Variants in CPEB3 observed in about 807,000 individuals in gnomAD.
CPEB3 encodes cytoplasmic polyadenylation element binding protein 3.
CPEB3 carries 20 observed loss-of-function variants against 67.2 expected under a neutral mutation model. The ratio of observed to expected loss-of-function variants is 0.30; its 90% CI spans 0.21 to 0.43. The LOEUF (loss-of-function observed/expected upper bound fraction) is 0.43. Ranked by LOEUF, CPEB3 falls within the 20% of genes least tolerant of loss-of-function variation. The pLI, the probability that CPEB3 is intolerant of heterozygous loss-of-function variation, is 1.00. For missense variants in CPEB3, 746 were observed against 968.6 expected (o/e 0.77, Z 3.05); for synonymous variants, 376 against 393.1 (o/e 0.96, Z 0.51).
At chr10:92,196,591 AC>A (rs1849244428) in intron 2 of CPEB3, among the ~76,000 whole-genome samples, 3 of 151,876 alleles carry the variant, frequency 2.0e-5, no homozygotes, top group Admixed American at 2.0e-4. Flanking sequence ...ACATAGTGAA[AC>A]CCCGTCTCTA....
intron 6 of CPEB3, chr10:92,137,321 G>A: frequency 1.3e-6 from 1 of 750,860 alleles, no homozygotes; most frequent in East Asian, 2.8e-5. Context: ...ATCATCGTGG[G>A]TACCCCTGGC....
At chr10:92,145,935 A>C (rs890576120) in intron 4 of CPEB3, among the ~76,000 whole-genome samples, 1 of 152,300 alleles carries the variant, frequency 6.6e-6, no homozygotes, top group East Asian at 1.9e-4. Flanking sequence ...AAGATCATCA[A>C]GTTTTCCTTG....
At chr10:92,124,121 A>AT (rs1262716501) in intron 6 of CPEB3, among the ~76,000 whole-genome samples, 1 of 152,140 alleles carries the variant, frequency 6.6e-6, no homozygotes, top group Non-Finnish European at 1.5e-5. Context: ...CATCAGGAGG[A>AT]GTTATGACTT....
intron 1 of CPEB3, among the ~76,000 whole-genome samples, chr10:92,277,815 C>T (rs1468953120): frequency 2.0e-5 from 3 of 151,690 alleles, no homozygotes; most frequent in African/African-American, 2.4e-5. Flanking sequence ...CGCTTGAACG[C>T]GGGAGGTGGA....
chr10:92,276,269 T>C (rs986122227), intron 1 of CPEB3, among the ~76,000 whole-genome samples: 10 of 145,564 alleles, frequency 6.9e-5, no homozygotes, highest in Non-Finnish European at 1.3e-4. Context: ...GCTGCTTTTT[T>C]TTCTTTTCTT....
At chr10:92,183,849 C>T (rs1294570174) in intron 3 of CPEB3, among the ~76,000 whole-genome samples, 1 of 152,162 alleles carries the variant, frequency 6.6e-6, no homozygotes, top group South Asian at 2.1e-4. Flanking sequence ...TTTAGCTGAT[C>T]CTTATTTGAC....
intron 2 of CPEB3, among the ~76,000 whole-genome samples, chr10:92,202,084 A>G (rs899395666): frequency 2.0e-5 from 3 of 151,978 alleles, no homozygotes; most frequent in Non-Finnish European, 4.4e-5. Context: ...TAGAATGGAT[A>G]AAAAAAACAA....
chr10:92,072,159 G>A (rs763380389), intron 9 of CPEB3, among the ~76,000 whole-genome samples: 2 of 152,058 alleles, frequency 1.3e-5, no homozygotes, highest in African/African-American at 2.4e-5. Context: ...AAAAGCCTTC[G>A]ATCCTTTAAA....
intron 7 of CPEB3, among the ~76,000 whole-genome samples, chr10:92,094,724 C>T (rs1217034343): frequency 6.6e-6 from 1 of 151,714 alleles, no homozygotes; most frequent in Non-Finnish European, 1.5e-5. Context: ...TTTTAAATGC[C>T]TTCATGAGGA....
chr10:92,289,935 G>C (rs898770922), intron 1 of CPEB3, among the ~76,000 whole-genome samples: 1 of 126,322 alleles, frequency 7.9e-6, no homozygotes, highest in Non-Finnish European at 1.6e-5. Flanking sequence ...TGGTGGGGGG[G>C]GGTGGGTGCT....
intron 6 of CPEB3, chr10:92,137,421 T>C: frequency 8.6e-7 from 1 of 1,156,130 alleles, no homozygotes; most frequent in Non-Finnish European, 1.2e-6. Flanking sequence ...TGTTAAGCCA[T>C]GGATTCAAGG....
chr10:92,084,974 T>C (rs559360378), intron 8 of CPEB3, among the ~76,000 whole-genome samples: 6 of 152,326 alleles, frequency 3.9e-5, no homozygotes, highest in African/African-American at 1.4e-4. Context: ...TTTGGTCTTT[T>C]GCTCAACCAG....
At chr10:92,283,424 A>C (rs1842385919) in intron 1 of CPEB3, among the ~76,000 whole-genome samples, 1 of 152,230 alleles carries the variant, frequency 6.6e-6, no homozygotes, top group Non-Finnish European at 1.5e-5. Context: ...AATTCTCCCC[A>C]CTTCCGCTGG....
chr10:92,258,544 G>T (rs1382896493), intron 1 of CPEB3, among the ~76,000 whole-genome samples: 1 of 148,412 alleles, frequency 6.7e-6, no homozygotes, highest in Non-Finnish European at 1.5e-5. Context: ...GTATACATGT[G>T]TGCATATTCC....
intron 1 of CPEB3, among the ~76,000 whole-genome samples, chr10:92,261,628 T>C (rs557777669): frequency 2.7e-4 from 41 of 152,200 alleles, no homozygotes; most frequent in African/African-American, 9.9e-4. Context: ...TTTGTATTTT[T>C]AGTAGAGGCA....
intron 7 of CPEB3, among the ~76,000 whole-genome samples, chr10:92,107,830 C>T (rs1026366627): frequency 6.6e-6 from 1 of 152,138 alleles, no homozygotes; most frequent in Admixed American, 6.6e-5. Context: ...AAATACAGTT[C>T]CTTCTGCAAT....
At chr10:92,086,928 A>G (rs1843398459) in intron 8 of CPEB3, among the ~76,000 whole-genome samples, 1 of 152,214 alleles carries the variant, frequency 6.6e-6, no homozygotes, top group Non-Finnish European at 1.5e-5. Context: ...ACAGTTAATC[A>G]AGTCAGTATG....
intron 6 of CPEB3, among the ~76,000 whole-genome samples, chr10:92,126,220 T>A (rs2133667178): frequency 6.6e-6 from 1 of 152,290 alleles, no homozygotes; most frequent in East Asian, 1.9e-4. Context: ...TAACTTCCAC[T>A]GTTCAAATCC....
intron 6 of CPEB3, among the ~76,000 whole-genome samples, chr10:92,124,375 A>G (rs565134256): frequency 2.0e-5 from 3 of 152,334 alleles, no homozygotes; most frequent in Middle Eastern, 3.4e-3. Context: ...AAGTGTTTAT[A>G]AAAGTGTAAA....
Sources: gnomAD v4.1 joint callset for allele counts (sites outside exome capture counted in the v4.1 genomes callset) on GRCh38, gnomAD v4.1.1 for gene constraint, MANE v1.5 for transcripts, NCBI Gene and HGNC (gene_info 2026-07-23, HGNC 2026-07-21) for gene names.